The following ARB2A variants were observed in gnomAD, a reference collection of about 807,000 sequenced individuals.
ARB2A encodes the protein ARB2 cotranscriptional regulator A.
the ARB2A span, chr5:93,740,485 T>G: frequency 7.4e-6 from 10 of 1,348,598 alleles, no homozygotes; most frequent in East Asian, 2.3e-5. Context: ...AAATTAATAC[T>G]AAAAGCCCTC....
the ARB2A span, among the ~76,000 whole-genome samples, chr5:94,052,802 G>A: frequency 6.6e-6 from 1 of 152,000 alleles, no homozygotes; most frequent in African/African-American, 2.4e-5. Context: ...AATTTAATTA[G>A]GAGTTCAAAT....
the ARB2A span, among the ~76,000 whole-genome samples, chr5:93,990,646 A>AT: frequency 3.3e-5 from 5 of 151,306 alleles, no homozygotes; most frequent in Non-Finnish European, 7.4e-5. Context: ...AAAAAAAAAA[A>AT]ATTGCACAAT....
the ARB2A span, among the ~76,000 whole-genome samples, chr5:93,803,475 G>C: frequency 6.8e-6 from 1 of 146,390 alleles, no homozygotes; most frequent in Non-Finnish European, 1.5e-5. Context: ...CAAAAAGAGG[G>C]ATAAATTCTA....
At chr5:93,750,066 C>A in the ARB2A span, among the ~76,000 whole-genome samples, 7 of 152,164 alleles carry the variant, frequency 4.6e-5, no homozygotes, top group African/African-American at 1.7e-4. Context: ...ACTCTTTATA[C>A]CCTTGGAGCC....
the ARB2A span, among the ~76,000 whole-genome samples, chr5:93,675,979 A>T: frequency 6.6e-6 from 1 of 152,226 alleles, no homozygotes; most frequent in Non-Finnish European, 1.5e-5. Context: ...GAGCTTAGCA[A>T]ATCAAACTTG....
chr5:93,928,860 C>T, the ARB2A span, among the ~76,000 whole-genome samples: 2 of 151,932 alleles, frequency 1.3e-5, no homozygotes, highest in African/African-American at 2.4e-5. Context: ...GGGAAAAGTA[C>T]CAGCACGTGC....
the ARB2A span, among the ~76,000 whole-genome samples, chr5:93,685,989 A>G: frequency 6.6e-6 from 1 of 152,216 alleles, no homozygotes; most frequent in Non-Finnish European, 1.5e-5. Context: ...TCCCTCTAAT[A>G]TAATAAAGGC....
the ARB2A span, among the ~76,000 whole-genome samples, chr5:94,012,738 CTG>C: frequency 6.6e-6 from 1 of 152,082 alleles, no homozygotes. Context: ...AATGAAAAGA[CTG>C]TTATCAAGCA....
the ARB2A span, among the ~76,000 whole-genome samples, chr5:93,760,751 T>A: frequency 2.0e-5 from 3 of 152,178 alleles, no homozygotes; most frequent in Non-Finnish European, 2.9e-5. Context: ...AAAAATCAAC[T>A]TAAGATGGAT....
At chr5:93,928,060 G>T in the ARB2A span, among the ~76,000 whole-genome samples, 1 of 151,960 alleles carries the variant, frequency 6.6e-6, no homozygotes, top group African/African-American at 2.4e-5. Context: ...GTTATGGAAA[G>T]TTAAGGTTAT....
the ARB2A span, chr5:93,964,538 A>C: frequency 6.5e-7 from 1 of 1,542,874 alleles, no homozygotes; most frequent in Admixed American, 2.0e-5. Flanking sequence ...GTAGGAAAGA[A>C]ATAACACATT....
the ARB2A span, among the ~76,000 whole-genome samples, chr5:93,697,138 C>T: frequency 1.3e-5 from 2 of 150,532 alleles, no homozygotes; most frequent in African/African-American, 4.9e-5. Flanking sequence ...AATGATAATC[C>T]ATCTCCCTAT....
chr5:93,712,584 T>A, the ARB2A span, among the ~76,000 whole-genome samples: 65 of 152,230 alleles, frequency 4.3e-4, no homozygotes, highest in African/African-American at 1.5e-3. Flanking sequence ...CTAAAACAAG[T>A]TTTAGCTAGG....
chr5:93,794,348 T>A, the ARB2A span, among the ~76,000 whole-genome samples: 42 of 152,238 alleles, frequency 2.8e-4, no homozygotes, highest in African/African-American at 7.7e-4. Context: ...TTTGATTTTT[T>A]AAAATTGAAC....
At chr5:93,834,434 C>T in the ARB2A span, among the ~76,000 whole-genome samples, 2 of 152,112 alleles carry the variant, frequency 1.3e-5, no homozygotes, top group African/African-American at 4.8e-5. Flanking sequence ...CAAAATATTA[C>T]TTTACAAAAC....
the ARB2A span, among the ~76,000 whole-genome samples, chr5:93,802,001 A>G: frequency 6.6e-6 from 1 of 152,146 alleles, no homozygotes; most frequent in Non-Finnish European, 1.5e-5. Context: ...TTAGAGACTG[A>G]TTTTGAAAAT....
the ARB2A span, among the ~76,000 whole-genome samples, chr5:93,776,639 G>A: frequency 5.9e-5 from 9 of 152,086 alleles, no homozygotes; most frequent in East Asian, 1.9e-4. Context: ...TTAGCCTGGC[G>A]TGGTGGTGCA....
At chr5:93,820,344 G>C in the ARB2A span, among the ~76,000 whole-genome samples, 33 of 152,118 alleles carry the variant, frequency 2.2e-4, no homozygotes, top group Non-Finnish European at 4.4e-4. Context: ...TGGCCAAACT[G>C]ATCGCCTGGA....
chr5:93,851,010 TC>T, the ARB2A span, among the ~76,000 whole-genome samples: 9 of 152,284 alleles, frequency 5.9e-5, no homozygotes, highest in Middle Eastern at 6.8e-3. Context: ...TTTATTTTTT[TC>T]CCCTCTGAGA....
Sources: allele counts gnomAD v4.1 joint callset (sites outside exome capture counted in the v4.1 genomes callset), GRCh38; gene constraint gnomAD v4.1.1; transcripts MANE v1.5; gene names NCBI Gene and HGNC (gene_info 2026-07-23, HGNC 2026-07-21).